Variants in AKAP6 observed in about 807,000 individuals in gnomAD.
AKAP6 encodes A-kinase anchoring protein 6.
In AKAP6, 58 loss-of-function variants were observed where a neutral mutation model predicts 188.5. That is an observed-to-expected ratio of 0.31 (90% CI 0.25 to 0.38). AKAP6 has a LOEUF of 0.38. AKAP6 is among the 10% of genes least tolerant of loss of function. AKAP6 has a pLI of 1.00. For synonymous variants in AKAP6, 989 were observed against 998.6 expected (o/e 0.99, Z 0.18); for missense variants, 2,710 against 2,740.0 (o/e 0.99, Z 0.24).
At chr14:32,486,890 G>C (rs1879723428) in intron 2 of AKAP6, among the ~76,000 whole-genome samples, 1 of 152,204 alleles carries the variant, frequency 6.6e-6, no homozygotes, top group Non-Finnish European at 1.5e-5. Flanking sequence ...TCCTCGTCTT[G>C]TGCTGGTTTT....
At chr14:32,815,594 G>A (rs2034356887) in intron 12 of AKAP6, among the ~76,000 whole-genome samples, 2 of 152,166 alleles carry the variant, frequency 1.3e-5, no homozygotes, top group South Asian at 4.1e-4. Flanking sequence ...GTGCAGTAGA[G>A]GTGAGTAAGG....
chr14:32,804,879 G>C (rs1226025852), intron 12 of AKAP6, among the ~76,000 whole-genome samples: 1 of 152,082 alleles, frequency 6.6e-6, no homozygotes, highest in Admixed American at 6.5e-5. Context: ...TTCCCTACTT[G>C]CACGTCTGTT....
intron 4 of AKAP6, among the ~76,000 whole-genome samples, chr14:32,559,679 C>A (rs1037658617): frequency 1.3e-5 from 2 of 152,000 alleles, no homozygotes; most frequent in Non-Finnish European, 2.9e-5. Context: ...TCTTTATCCA[C>A]CCCAGACCAA....
rs1879569661 is a variant in AKAP6 at position 32,484,629 on chromosome 14, C to T, written c.324+50812C>T. 3 of 211,908 alleles carry T rather than the reference C, an allele frequency of 1.4e-5. 1 individual carries two copies. 13.1% of individuals were successfully genotyped at this position (211,908 alleles called of 1,614,324 possible). A position where few individuals can be genotyped will look rare whatever the true frequency, so the allele number is the denominator to read the frequency against. ...ATTATTACAAATGCATGGGCTGTGA[C>T]GATGACATTGTAGATGTGGTCGTTA... On this transcript the variant is annotated intron_variant, in intron 2 of 13. Coordinates refer to ENST00000280979, the MANE Select transcript of AKAP6 (RefSeq NM_004274.5).
intron 3 of AKAP6, among the ~76,000 whole-genome samples, chr14:32,538,957 A>G (rs555885844): frequency 6.6e-6 from 1 of 152,170 alleles, no homozygotes; most frequent in African/African-American, 2.4e-5. Context: ...ACTGATTTCT[A>G]TTTTAATAAT....
chr14:32,778,348 T>C (rs1171763695), intron 12 of AKAP6, among the ~76,000 whole-genome samples: 1 of 152,190 alleles, frequency 6.6e-6, no homozygotes, highest in Non-Finnish European at 1.5e-5. Context: ...TAAATCAAGT[T>C]GATAACAGCT....
At chr14:32,359,458 A>G (rs771358726) in intron 1 of AKAP6, among the ~76,000 whole-genome samples, 5 of 152,040 alleles carry the variant, frequency 3.3e-5, no homozygotes, top group Non-Finnish European at 7.4e-5. Context: ...TCTCATATGT[A>G]CCCTTCACTC....
chr14:32,453,575 C>CTTTTTTTTTTTTTTTTTTTTTTTTTTTT (rs71115071), intron 2 of AKAP6, among the ~76,000 whole-genome samples: 2 of 95,354 alleles, frequency 2.1e-5, no homozygotes, highest in Non-Finnish European at 4.3e-5. Context: ...TTTTTCTTTT[C>CTTTTTTTTTTTTTTTTTTTTTTTTTTTT]TTTTTTTTTT....
Position 32,837,400 on chromosome 14 carries a change from C to A in AKAP6, c.*7595C>A, listed in dbSNP as rs754002266. On this transcript the variant is annotated 3_prime_UTR_variant, in exon 14 of 14. Transcript: ENST00000280979. ...TTATTCAGTGAAATTTATTCAAGGA[C>A]TTAAAATGATTGAAGGCATTAGGAA... The A allele has an allele frequency of 6.6e-6, 1 of 152,182 alleles. No homozygotes were observed. Among genetic ancestry groups the A allele is most frequent in the Non-Finnish European group, 1.5e-5 (1 of 68,034 alleles). 9.4% of individuals were successfully genotyped at this position (152,182 alleles called of 1,614,324 possible). A position where few individuals can be genotyped will look rare whatever the true frequency, so the allele number is the denominator to read the frequency against.
At chr14:32,720,483 A>G (rs1594880113) in intron 9 of AKAP6, among the ~76,000 whole-genome samples, 1 of 152,240 alleles carries the variant, frequency 6.6e-6, no homozygotes, top group African/African-American at 2.4e-5. Context: ...GTCATGGAAG[A>G]TAGAAGAATG....
chr14:32,715,509 C>T (rs2030143767), intron 9 of AKAP6, among the ~76,000 whole-genome samples: 1 of 151,904 alleles, frequency 6.6e-6, no homozygotes, highest in African/African-American at 2.4e-5. Context: ...AAAATAAGTG[C>T]TAGTCTTCTT....
Position 32,546,596 on chromosome 14 carries a change from A to G in AKAP6, c.1943A>G (p.Glu648Gly), listed in dbSNP as rs766828238. ...KQTEVLALKLENLTKLLPQKP... is the reference protein window; with the variant it reads ...KQTEVLALKLGNLTKLLPQKP... ...ACAGAAGTATTGGCTTTGAAGTTGGAAAACCTAACAAAGCTTCTGCCTCAG... is the reference window on the plus strand; with the variant it reads ...ACAGAAGTATTGGCTTTGAAGTTGGGAAACCTAACAAAGCTTCTGCCTCAG... Residue 648 changes from glutamate to glycine, a missense_variant, in exon 4 of 14, where the codon GAA (glutamate) becomes GGA (glycine). By Grantham distance (98) the Glu-to-Gly change is moderately conservative. Around this residue, in one of 2 missense-constraint regions of AKAP6, gnomAD observed 2,473 missense variants for 2,426.1 expected, o/e 1.02. Coordinates refer to ENST00000280979, the MANE Select transcript of AKAP6 (RefSeq NM_004274.5). 7 of 1,614,194 alleles carry G rather than the reference A, an allele frequency of 4.3e-6. No homozygotes were observed. In the Admixed American group the frequency reaches 8.3e-5, roughly 19 times the overall value.
In AKAP6 at chr14:32,546,987, G is replaced by T; in HGVS notation, c.2334G>T (p.Trp778Cys). Residue 778 changes from tryptophan to cysteine, a missense_variant, in exon 4 of 14, where the codon TGG (tryptophan) becomes TGT (cysteine). This residue lies in a region of AKAP6 where 2,473 missense variants were observed against 2,426.1 expected (regional missense o/e 1.02). Transcript: ENST00000280979. ...IQHQDNYEAI[W>C]EKIEGFVNKL... Reference sequence around the variant, plus strand: ...ACCAAGACAACTATGAAGCCATATGGGAAAAAATAGAGGTAAGGTGGTTTT... The same window carrying T: ...ACCAAGACAACTATGAAGCCATATGTGAAAAAATAGAGGTAAGGTGGTTTT... The T allele has an allele frequency of 6.3e-7, 1 of 1,588,550 alleles. No homozygotes were observed.
At chr14:32,340,862 TGGGCCTCTTTTATTA>T (rs1343101218) in intron 1 of AKAP6, among the ~76,000 whole-genome samples, 1 of 152,212 alleles carries the variant, frequency 6.6e-6, no homozygotes, top group East Asian at 1.9e-4. Context: ...GAGTCTCTCT[TGGGCCTCTTTTATTA>T]GGGCACTAAC....
chr14:32,354,108 C>CT (rs1317143128), intron 1 of AKAP6, among the ~76,000 whole-genome samples: 2 of 151,950 alleles, frequency 1.3e-5, no homozygotes, highest in East Asian at 3.9e-4. Flanking sequence ...GAAAAAACTA[C>CT]TTTAAAGTTC....
chr14:32,499,558 A>G (rs578174437), intron 2 of AKAP6, among the ~76,000 whole-genome samples: 8 of 152,040 alleles, frequency 5.3e-5, no homozygotes, highest in African/African-American at 1.4e-4. Flanking sequence ...TAGAAGATAA[A>G]TATGGTAGAT....
At chr14:32,404,568 T>C (rs1210422779) in intron 1 of AKAP6, among the ~76,000 whole-genome samples, 1 of 150,934 alleles carries the variant, frequency 6.6e-6, no homozygotes, top group Non-Finnish European at 1.5e-5. Flanking sequence ...TATCAACTGC[T>C]CCATTTCCAT....
At chr14:32,771,692 A>C (rs1461239248) in intron 11 of AKAP6, among the ~76,000 whole-genome samples, 1 of 152,180 alleles carries the variant, frequency 6.6e-6, no homozygotes, top group Admixed American at 6.5e-5. Flanking sequence ...ATCCATTGCA[A>C]ATTTTCATTT....
In AKAP6 at chr14:32,833,257, C is replaced by T. The variant is rs2034840182; in HGVS notation, c.*3452C>T. The T allele has an allele frequency of 6.6e-6, 1 of 152,192 alleles. No individual in the cohort carries two copies. The highest frequency in any genetic ancestry group is 1.5e-5 in the Non-Finnish European group (1 of 68,036). The allele number at this position is 152,192 out of a possible 1,614,324, so 9.4% of individuals were successfully genotyped here. A position where few individuals can be genotyped will look rare whatever the true frequency, so the allele number is the denominator to read the frequency against. ...TTTGGCATTAGGTATATAAAGGCAA[C>T]TAACACATGGTATCTGTCTCCAAAG... On this transcript the variant is annotated 3_prime_UTR_variant, in exon 14 of 14. Transcript: ENST00000280979.
Sources: gnomAD v4.1 joint callset for allele counts (sites outside exome capture counted in the v4.1 genomes callset) on GRCh38, gnomAD v4.1.1 for gene constraint, gnomAD v4.1.1 regional missense constraint, MANE v1.5 for transcripts, NCBI Gene and HGNC (gene_info 2026-07-23, HGNC 2026-07-21) for gene names.